MTMR7: variants seen among roughly 807,000 people sequenced by gnomAD.
MTMR7 encodes phosphatidylinositol-3-phosphate phosphatase MTMR7.
Under a neutral mutation model 81.2 loss-of-function variants are expected in MTMR7, and 76 were observed. The ratio of observed to expected loss-of-function variants is 0.94; its 90% CI spans 0.78 to 1.13. The LOEUF is 1.13. MTMR7 is among the 50% of genes most tolerant of loss of function. The pLI is 0.00. For synonymous variants in MTMR7, 372 were observed against 289.8 expected, an observed-to-expected ratio of 1.28 and a Z score of -2.88; for missense variants, 1,044 against 820.0, an observed-to-expected ratio of 1.27 and a Z score of -3.34.
chr8:17,304,142 A>G (rs1439545222), intron 12 of MTMR7, among the ~76,000 whole-genome samples: 1 of 152,194 alleles, frequency 6.6e-6, no homozygotes, highest in Non-Finnish European at 1.5e-5. Flanking sequence ...CCTTTTTATG[A>G]TATCATTATT....
At chr8:17,304,338 A>C (rs1199553635) in intron 12 of MTMR7, 41 bp downstream of exon 12, 7 of 1,594,962 alleles carry the variant, frequency 4.4e-6, no homozygotes, top group Non-Finnish European at 6.0e-6. Flanking sequence ...CCAGAATCCA[A>C]GTTCATACCA....
intron 3 of MTMR7, 96 bp downstream of exon 3, chr8:17,370,941 A>T: frequency 8.1e-7 from 1 of 1,235,276 alleles, no homozygotes; most frequent in Non-Finnish European, 1.1e-6. Flanking sequence ...TAATCCCTGA[A>T]CCCCTATCAT....
chr8:17,393,685 C>T (rs1704779262), intron 1 of MTMR7, among the ~76,000 whole-genome samples: 2 of 152,040 alleles, frequency 1.3e-5, no homozygotes, highest in South Asian at 4.2e-4. Context: ...ACAACACACA[C>T]TGGGGCCTGT....
chr8:17,404,159 G>T lies in MTMR7; in HGVS notation c.24+9110C>A, dbSNP rs934200606. Among the ~76,000 whole-genome samples the T allele has an allele frequency of 3.3e-5, 5 of 152,190 alleles. No individual in the cohort carries two copies. The East Asian group carries it at 9.6e-4, about 29-fold the overall frequency. On this transcript the variant is annotated intron_variant, in intron 1 of 13. Transcript: ENST00000180173. ...GGGGGAGTGGCAAAAATGGAAAGGGGACCAGGCAAGAGTTGACAGTATTTC... is the reference window on the plus strand; with the variant it reads ...GGGGGAGTGGCAAAAATGGAAAGGGTACCAGGCAAGAGTTGACAGTATTTC...
At chr8:17,410,430 C>T (rs1821706492) in intron 1 of MTMR7, among the ~76,000 whole-genome samples, 1 of 59,946 alleles carries the variant, frequency 1.7e-5, no homozygotes, top group African/African-American at 3.1e-5. Flanking sequence ...TTAAGCAGCA[C>T]TTGAACCCAA....
Position 17,299,632 on chromosome 8 carries a change from G to A in MTMR7, c.*230C>T. Reference sequence around the variant, plus strand: ...GAATATAATTTTCATAGTCTAGGGTGAGCTTCAAAATGGTGAATAATTTTC... The same window carrying A: ...GAATATAATTTTCATAGTCTAGGGTAAGCTTCAAAATGGTGAATAATTTTC... On this transcript the variant is annotated 3_prime_UTR_variant, in exon 14 of 14. Coordinates refer to ENST00000180173, the MANE Select transcript of MTMR7 (RefSeq NM_004686.5). The A allele has an allele frequency of 3.6e-6, 2 of 553,500 alleles. No homozygotes were observed. The highest frequency in any genetic ancestry group is 2.3e-5 in the South Asian group (1 of 42,924). 34.3% of individuals were successfully genotyped at this position (553,500 alleles called of 1,614,324 possible).
intron 1 of MTMR7, among the ~76,000 whole-genome samples, chr8:17,382,625 G>T (rs1401557349): frequency 1.3e-5 from 2 of 152,042 alleles, no homozygotes; most frequent in Admixed American, 6.6e-5. Flanking sequence ...ACGCTACACG[G>T]CATGCAGAAC....
intron 11 of MTMR7, among the ~76,000 whole-genome samples, chr8:17,304,876 C>A (rs910440794): frequency 6.6e-6 from 1 of 152,002 alleles, no homozygotes; most frequent in African/African-American, 2.4e-5. Context: ...TTAATCCTCA[C>A]TGAGTTGCTG....
At chr8:17,379,121 G>A (rs1820683810) in intron 1 of MTMR7, among the ~76,000 whole-genome samples, 1 of 152,146 alleles carries the variant, frequency 6.6e-6, no homozygotes. Context: ...GAGTGTCTAT[G>A]TCAAATGCTG....
intron 1 of MTMR7, 128 bp from the exon 2 acceptor site, chr8:17,373,368 A>C: frequency 9.0e-7 from 1 of 1,107,800 alleles, no homozygotes; most frequent in Non-Finnish European, 1.2e-6. Context: ...CAATAATAAA[A>C]ACCAAAAACT....
At chr8:17,350,654 C>T (rs1279138643) in intron 4 of MTMR7, among the ~76,000 whole-genome samples, 1 of 152,152 alleles carries the variant, frequency 6.6e-6, no homozygotes, top group Non-Finnish European at 1.5e-5. Flanking sequence ...CTCCACCCAC[C>T]TTTATCACTC....
intron 6 of MTMR7, among the ~76,000 whole-genome samples, chr8:17,340,717 AATAC>A (rs1435492696): frequency 3.2e-5 from 4 of 124,830 alleles, no homozygotes; most frequent in East Asian, 2.0e-4. Context: ...CTAATAAATT[AATAC>A]ATACATAATT....
chr8:17,340,038 G>A (rs558079900), intron 6 of MTMR7, among the ~76,000 whole-genome samples: 22 of 152,214 alleles, frequency 1.4e-4, no homozygotes, highest in African/African-American at 3.4e-4. Context: ...CGCAACCTCC[G>A]CCTCCCGTGT....
intron 3 of MTMR7, among the ~76,000 whole-genome samples, chr8:17,369,887 C>A (rs987651085): frequency 1.3e-5 from 2 of 151,844 alleles, no homozygotes; most frequent in African/African-American, 4.8e-5. Flanking sequence ...CTTTGCAATC[C>A]GCCTGCCTCG....
chr8:17,302,302 CGTG>C (rs1817169637), intron 12 of MTMR7, 22 bp from the exon 13 acceptor site: 2 of 1,609,690 alleles, frequency 1.2e-6, no homozygotes, highest in African/African-American at 1.3e-5. Flanking sequence ...GGCAAAGCGT[CGTG>C]ATACCACCTT....
At position 17,408,421 on chromosome 8, in the gene MTMR7, A is replaced by G. The variant is rs1296758514; in HGVS notation, c.24+4848T>C. 2.0e-5 allele frequency among the ~76,000 whole-genome samples: 3 copies of G among 151,318 alleles called. 1 individual carries two copies. The highest frequency in any genetic ancestry group is 4.4e-5 in the Non-Finnish European group (3 of 67,950). On this transcript the variant is annotated intron_variant, in intron 1 of 13. Transcript: ENST00000180173. ...AAAAAAAAAAAAAAAAAAAAAAAGA[A>G]CATCATGGATTCACCGTCATTATTT...
chr8:17,324,558 G>C (rs769230033), intron 7 of MTMR7, among the ~76,000 whole-genome samples: 10 of 152,236 alleles, frequency 6.6e-5, no homozygotes, highest in Non-Finnish European at 1.2e-4. Flanking sequence ...CACCTGAGCA[G>C]CTGTGTTTGA....
intron 7 of MTMR7, among the ~76,000 whole-genome samples, chr8:17,324,764 G>A (rs1818586533): frequency 6.6e-6 from 1 of 152,124 alleles, no homozygotes; most frequent in Non-Finnish European, 1.5e-5. Flanking sequence ...TTTTCTATGT[G>A]GAAACCTAGG....
chr8:17,411,925 G>A (rs1821746385), intron 1 of MTMR7, among the ~76,000 whole-genome samples: 1 of 152,220 alleles, frequency 6.6e-6, no homozygotes, highest in Non-Finnish European at 1.5e-5. Context: ...ATCATGGAAG[G>A]AGGAAGAATG....
Sources: gnomAD v4.1 joint callset for allele counts (sites outside exome capture counted in the v4.1 genomes callset) on GRCh38, gnomAD v4.1.1 for gene constraint, MANE v1.5 for transcripts, NCBI Gene and HGNC (gene_info 2026-07-23, HGNC 2026-07-21) for gene names.